CIB4: variants seen among roughly 807,000 people sequenced by gnomAD.
The protein encoded by CIB4 is calcium and integrin-binding family member 4.
A neutral mutation model predicts 25.8 loss-of-function variants in CIB4; 25 were observed. The observed-to-expected ratio is 0.97, with a 90% CI of 0.71 to 1.35. The LOEUF (loss-of-function observed/expected upper bound fraction) is 1.35. Ranked by LOEUF, CIB4 falls within the 40% of genes most tolerant of loss-of-function variation. The pLI is 0.00. For synonymous variants in CIB4, 75 were observed against 81.4 expected, an observed-to-expected ratio of 0.92 and a Z score of 0.42; for missense variants, 235 against 228.2, an observed-to-expected ratio of 1.03 and a Z score of -0.19.
At chr2:26,622,229 C>T (rs558472987) in intron 3 of CIB4, among the ~76,000 whole-genome samples, 59 of 151,956 alleles carry the variant, frequency 3.9e-4, no homozygotes, top group Admixed American at 1.4e-3. Context: ...GGCATGGTGG[C>T]GGGCACCTGT....
In CIB4 at chr2:26,630,833, G is replaced by A. The variant is rs4665337; in HGVS notation, c.90-1327C>T. On this transcript the variant is annotated intron_variant, in intron 2 of 6. Transcript: ENST00000288861. ...CCCGGGGCCTCAGAGGGGACACCCA[G>A]CCTGCCCTCTCTCTGTGTTTCTCTC... Among the ~76,000 whole-genome samples, 382 of 152,192 alleles carry A rather than the reference G, an allele frequency of 2.5e-3. 5 individuals are homozygous for A. Among genetic ancestry groups the A allele is most frequent in the East Asian group, 0.02 (105 of 5,174 alleles).
intron 2 of CIB4, among the ~76,000 whole-genome samples, chr2:26,638,158 G>T (rs796344746): frequency 6.6e-6 from 1 of 152,172 alleles, no homozygotes; most frequent in Non-Finnish European, 1.5e-5. Context: ...TGTTAGAGAA[G>T]TTTGCACTGA....
chr2:26,608,707 C>T (rs1668941107), intron 3 of CIB4, among the ~76,000 whole-genome samples: 2 of 152,182 alleles, frequency 1.3e-5, no homozygotes, highest in Admixed American at 1.3e-4. Flanking sequence ...AGACCACACC[C>T]AGCCTCACTC....
intron 3 of CIB4, among the ~76,000 whole-genome samples, chr2:26,624,283 C>A (rs1006714058): frequency 6.6e-6 from 1 of 152,230 alleles, no homozygotes; most frequent in Non-Finnish European, 1.5e-5. Flanking sequence ...CAGTGTGAGT[C>A]ACGCAGCTCC....
chr2:26,640,468 A>C (rs1669614021), intron 2 of CIB4, 65 bp downstream of exon 2: 2 of 1,531,914 alleles, frequency 1.3e-6, no homozygotes, highest in African/African-American at 1.4e-5. Context: ...AGGCTGTATT[A>C]GGGCAAGAAT....
At chr2:26,636,291 T>C (rs1322333342) in intron 2 of CIB4, among the ~76,000 whole-genome samples, 1 of 152,244 alleles carries the variant, frequency 6.6e-6, no homozygotes, top group Non-Finnish European at 1.5e-5. Flanking sequence ...TAGTGCAACA[T>C]GATTACTTCT....
chr2:26,622,127 G>A (rs372455498), intron 3 of CIB4, among the ~76,000 whole-genome samples: 21 of 152,142 alleles, frequency 1.4e-4, no homozygotes, highest in African/African-American at 3.9e-4. Context: ...TTGGGAGGCC[G>A]AGGCGGGTGG....
intron 3 of CIB4, among the ~76,000 whole-genome samples, chr2:26,597,066 C>T (rs2148198844): frequency 6.6e-6 from 1 of 152,240 alleles, no homozygotes; most frequent in South Asian, 2.1e-4. Flanking sequence ...TCTAAAGAAA[C>T]TCATGCTTTG....
At chr2:26,636,680 G>T (rs1419190425) in intron 2 of CIB4, among the ~76,000 whole-genome samples, 1 of 151,820 alleles carries the variant, frequency 6.6e-6, no homozygotes, top group Non-Finnish European at 1.5e-5. Flanking sequence ...CCTATGAAAA[G>T]GTCCATAAGA....
At chr2:26,615,264 C>G (rs1225819821) in intron 3 of CIB4, among the ~76,000 whole-genome samples, 1 of 152,196 alleles carries the variant, frequency 6.6e-6, no homozygotes, top group Non-Finnish European at 1.5e-5. Flanking sequence ...CTCTCCATCC[C>G]CTGCCCCCAG....
At chr2:26,613,838 G>A (rs1465585069) in intron 3 of CIB4, among the ~76,000 whole-genome samples, 1 of 152,230 alleles carries the variant, frequency 6.6e-6, no homozygotes, top group Non-Finnish European at 1.5e-5. Context: ...CTGTAGTCGG[G>A]CCTGTGCGGG....
intron 2 of CIB4, among the ~76,000 whole-genome samples, chr2:26,633,072 T>C (rs1455682183): frequency 6.6e-6 from 1 of 152,186 alleles, no homozygotes; most frequent in Admixed American, 6.5e-5. Context: ...AAGGGACCAT[T>C]GTTTCTTTTA....
intron 6 of CIB4, 136 bp from the exon 7 acceptor site, chr2:26,581,529 G>T (rs900907173): frequency 3.6e-6 from 3 of 835,512 alleles, no homozygotes; most frequent in Non-Finnish European, 5.9e-6. Flanking sequence ...CGGCCACTTT[G>T]CAGCCATCCC....
At position 26,588,979 on chromosome 2, in the gene CIB4, T is replaced by TTCTTCTTCTTCTTCTTCTTCTTCC. The variant is rs1558554456; in HGVS notation, c.329-5082_329-5081insGGAAGAAGAAGAAGAAGAAGAAGA. The stretch of plus-strand genomic sequence containing the variant: ...TGCTGCCGCTGCTGCCGCTTCTTCT[T>TTCTTCTTCTTCTTCTTCTTCTTCC]TCTTCTTCTTCTTCTTCTTCTTCTT... On this transcript the variant is annotated intron_variant, in intron 4 of 6. Transcript: ENST00000288861. Among the ~76,000 whole-genome samples the TTCTTCTTCTTCTTCTTCTTCTTCC allele has an allele frequency of 6.7e-4, 13 of 19,358 alleles. 3 individuals are homozygous for TTCTTCTTCTTCTTCTTCTTCTTCC. The highest frequency in any genetic ancestry group is 3.7e-3 in the African/African-American group (13 of 3,504). 12.7% of individuals were successfully genotyped at this position (19,358 alleles called of 152,430 possible).
intron 3 of CIB4, among the ~76,000 whole-genome samples, chr2:26,628,772 G>C (rs952742546): frequency 1.4e-4 from 21 of 152,340 alleles, no homozygotes; most frequent in Non-Finnish European, 3.1e-4. Flanking sequence ...AAAATTCTCA[G>C]TCCCTCTAGA....
intron 4 of CIB4, among the ~76,000 whole-genome samples, chr2:26,589,095 CTTCTTCTTCTTCCTCTTCTTCTTCT>C (rs1558555042): frequency 8.6e-6 from 1 of 116,218 alleles, no homozygotes; most frequent in African/African-American, 4.0e-5. Context: ...TCTTCTTCTT[CTTCTTCTTCTTCCTCTTCTTCTTCT>C]TCTTCTTCTT....
intron 3 of CIB4, among the ~76,000 whole-genome samples, chr2:26,600,071 CAA>C (rs34881604): frequency 0.92 from 106,594 of 115,652 alleles, 50,165 homozygotes; most frequent in East Asian, 0.99. Flanking sequence ...GACTCTGTCT[CAA>C]AAAAAAAAAA....
intron 6 of CIB4, 64 bp from the exon 7 acceptor site, chr2:26,581,457 G>T (rs1252850208): frequency 4.0e-6 from 6 of 1,509,310 alleles, no homozygotes; most frequent in Non-Finnish European, 5.5e-6. Flanking sequence ...TGACTCCTGG[G>T]TTCACAGTAG....
chr2:26,638,378 C>A (rs986411199), intron 2 of CIB4, among the ~76,000 whole-genome samples: 2 of 152,108 alleles, frequency 1.3e-5, no homozygotes, highest in Admixed American at 6.5e-5. Flanking sequence ...AAGCATGGCT[C>A]GCTTCCAAGG....
Sources: allele counts gnomAD v4.1 joint callset (sites outside exome capture counted in the v4.1 genomes callset), GRCh38; gene constraint gnomAD v4.1.1; transcripts MANE v1.5; gene names NCBI Gene and HGNC (gene_info 2026-07-23, HGNC 2026-07-21).